CLIP4: variants seen among roughly 807,000 people sequenced by gnomAD.
CLIP4 encodes the protein CAP-Gly domain-containing linker protein 4.
In CLIP4, 47 loss-of-function variants were observed where a neutral mutation model predicts 73.1. The observed-to-expected ratio is 0.64, with a 90% CI of 0.51 to 0.82. CLIP4 has a LOEUF of 0.82. Among genes scored for constraint, CLIP4 ranks in the 40% least tolerant of loss-of-function variants. CLIP4 has a pLI of 0.00. For missense variants in CLIP4, 874 were observed against 852.9 expected (o/e 1.02, Z -0.31); for synonymous variants, 306 against 295.4 (o/e 1.04, Z -0.37).
Position 29,182,040 on chromosome 2 carries a change from C to A in CLIP4, c.*147C>A. ...CCATTATAACAATTCAGAGAGAGTT[C>A]TTTACAAAGCCATGAATATGAACTA... is the stretch of plus-strand genomic sequence containing the variant. On this transcript the variant is annotated 3_prime_UTR_variant, in exon 16 of 16. Transcript: ENST00000320081. 1.6e-6 allele frequency: 1 copy of A among 620,528 alleles called. No individual in the cohort carries two copies. Among genetic ancestry groups the A allele is most frequent in the Non-Finnish European group, 2.6e-6 (1 of 386,190 alleles). 38.4% of individuals were successfully genotyped at this position (620,528 alleles called of 1,614,324 possible).
intron 9 of CLIP4, among the ~76,000 whole-genome samples, chr2:29,155,803 GGA>G (rs1206187319): frequency 2.6e-5 from 4 of 152,124 alleles, no homozygotes; most frequent in Non-Finnish European, 5.9e-5. Flanking sequence ...CCTGCTGTCA[GGA>G]GAGTGTTATT....
rs757569570 is a variant in CLIP4 at position 29,181,919 on chromosome 2, A to AAT, written c.*35_*36dup. ...GCTTCTAAAATATTAAATAAGCTCA[A>AAT]ATATATATATTTGGTGTAAATAAAG... On this transcript the variant is annotated 3_prime_UTR_variant, in exon 16 of 16. Transcript: ENST00000320081. 9 of 1,533,352 alleles carry AAT rather than the reference A, an allele frequency of 5.9e-6. No individual in the cohort carries two copies. Among genetic ancestry groups the AAT allele is most frequent in the Non-Finnish European group, 6.2e-6 (7 of 1,130,674 alleles). 95.0% of individuals were successfully genotyped at this position (1,533,352 alleles called of 1,614,324 possible).
chr2:29,152,564 T>A (rs1666644179), intron 8 of CLIP4, 121 bp from the exon 9 acceptor site: 1 of 978,394 alleles, frequency 1.0e-6, no homozygotes, highest in Non-Finnish European at 1.5e-6. Flanking sequence ...CCTCTCATCA[T>A]AGGACATGCA....
chr2:29,131,470 A>C (rs969958541), intron 3 of CLIP4, 73 bp downstream of exon 3: 2 of 1,462,080 alleles, frequency 1.4e-6, no homozygotes, highest in Non-Finnish European at 1.8e-6. Context: ...CCCCATCTGA[A>C]AGGAAGATGG....
At chr2:29,178,194 T>C (rs1217788147) in intron 15 of CLIP4, among the ~76,000 whole-genome samples, 1 of 152,122 alleles carries the variant, frequency 6.6e-6, no homozygotes, top group Non-Finnish European at 1.5e-5. Flanking sequence ...TTTTTTTTTT[T>C]TTTGAGACAG....
chr2:29,144,782 C>T (rs1186188071), intron 7 of CLIP4, among the ~76,000 whole-genome samples: 1 of 146,796 alleles, frequency 6.8e-6, no homozygotes, highest in South Asian at 2.2e-4. Flanking sequence ...TTGAGTTTCC[C>T]AACATAGTTA....
chr2:29,137,362 A>G (rs539692585), intron 6 of CLIP4, among the ~76,000 whole-genome samples: 2 of 152,280 alleles, frequency 1.3e-5, no homozygotes, highest in South Asian at 4.1e-4. Flanking sequence ...GCACGATTTC[A>G]TTATTTAAAT....
chr2:29,125,466 G>A lies in CLIP4; in HGVS notation c.133+3945G>A, dbSNP rs115435283. Among the ~76,000 whole-genome samples the A allele has an allele frequency of 7.8e-3, 1,181 of 152,208 alleles. 15 individuals are homozygous for A. The highest frequency in any genetic ancestry group is 0.027 in the African/African-American group (1,124 of 41,524). On this transcript the variant is annotated intron_variant, in intron 2 of 15. Transcript: ENST00000320081. ...GTATTCTGCCCTGTGACCTCTGGCCGCCTCAAGTTCCCCAGACTCTTAGCT... is the reference window on the plus strand; with the variant it reads ...GTATTCTGCCCTGTGACCTCTGGCCACCTCAAGTTCCCCAGACTCTTAGCT...
chr2:29,167,713 C>T (rs1469997653), intron 14 of CLIP4, 173 bp downstream of exon 14: 2 of 484,714 alleles, frequency 4.1e-6, no homozygotes, highest in Non-Finnish European at 7.1e-6. Flanking sequence ...AGATGATAAC[C>T]TGACCTGTAG....
chr2:29,109,376 T>A lies in CLIP4; in HGVS notation c.-16+11429T>A, dbSNP rs183115968. 1.1e-3 allele frequency among the ~76,000 whole-genome samples: 163 copies of A among 152,194 alleles called. 1 individual carries two copies. The highest frequency in any genetic ancestry group is 3.1e-3 in the South Asian group (15 of 4,814). ...GCTTTAAGAAGACTTCAATTTTTTT[T>A]AAAAAATAAAAATACATCATAATTG... On this transcript the variant is annotated intron_variant, in intron 1 of 14. Coordinates refer to the CLIP4 transcript ENST00000401605.
chr2:29,097,865 T>G (rs1667920372), exon 1 of CLIP4: 1 of 152,184 alleles, frequency 6.6e-6, no homozygotes, highest in African/African-American at 2.4e-5. Context: ...CGCTGAACAA[T>G]CTGTACTCTT....
At chr2:29,125,312 C>A (rs1664524718) in intron 2 of CLIP4, among the ~76,000 whole-genome samples, 1 of 152,184 alleles carries the variant, frequency 6.6e-6, no homozygotes, top group African/African-American at 2.4e-5. Context: ...AGGCACTAAT[C>A]CCTGTAGTCC....
chr2:29,172,953 G>C (rs1465047701), intron 14 of CLIP4, among the ~76,000 whole-genome samples: 2 of 151,748 alleles, frequency 1.3e-5, no homozygotes, highest in Non-Finnish European at 2.9e-5. Context: ...TTTCTTTTAT[G>C]TCTTTAAATA....
At chr2:29,156,206 A>G (rs1666912536) in intron 9 of CLIP4, 148 bp from the exon 10 acceptor site, 4 of 534,836 alleles carry the variant, frequency 7.5e-6, no homozygotes, top group Non-Finnish European at 1.3e-5. Context: ...ATACCAAAAC[A>G]TGTCCTCATA....
intron 2 of CLIP4, among the ~76,000 whole-genome samples, chr2:29,126,063 T>C (rs1404618698): frequency 6.6e-6 from 1 of 151,988 alleles, no homozygotes; most frequent in African/African-American, 2.4e-5. Flanking sequence ...TGGTCCCAGC[T>C]ACTTGGGAGG....
At chr2:29,114,648 C>T (rs116016451), upstream of CLIP4, among the ~76,000 whole-genome samples, 3,555 of 152,232 alleles carry the variant, frequency 0.023, 117 homozygotes, top group East Asian at 0.091. Flanking sequence ...AAAGATGCTC[C>T]GGGGTGCGGT....
chr2:29,115,118 C>T (rs575486280), upstream of CLIP4: 1 of 152,574 alleles, frequency 6.6e-6, no homozygotes, highest in Admixed American at 6.5e-5. This position sits in a 1 kb window ranked among gnomAD's most constrained non-coding sequence, Gnocchi z 5.1. Flanking sequence ...CTCTTGACCA[C>T]GCTCGGCTGG....
intron 15 of CLIP4, among the ~76,000 whole-genome samples, chr2:29,177,556 G>T (rs1348814959): frequency 6.6e-6 from 1 of 151,926 alleles, no homozygotes; most frequent in South Asian, 2.1e-4. Flanking sequence ...ATTCCAGCCT[G>T]GGTGACAGCA....
chr2:29,126,368 G>C (rs1664604105), intron 2 of CLIP4, among the ~76,000 whole-genome samples: 1 of 152,120 alleles, frequency 6.6e-6, no homozygotes, highest in African/African-American at 2.4e-5. Flanking sequence ...CATTAATCCT[G>C]ACTCAATCAC....
Sources: allele counts gnomAD v4.1 joint callset (sites outside exome capture counted in the v4.1 genomes callset), GRCh38; gene constraint gnomAD v4.1.1; non-coding constraint Gnocchi (gnomAD v3.1); transcripts MANE v1.5; gene names NCBI Gene and HGNC (gene_info 2026-07-23, HGNC 2026-07-21).